The following CHLSN variants were observed in gnomAD, a reference collection of about 807,000 sequenced individuals.
The protein encoded by CHLSN is protein cholesin.
chr7:1,095,550 C>A, the CHLSN span, among the ~76,000 whole-genome samples: 1 of 152,238 alleles, frequency 6.6e-6, no homozygotes. Context: ...GGGGCAAGGG[C>A]AGACGCTTTA....
chr7:1,071,550 A>G, the CHLSN span, among the ~76,000 whole-genome samples: 17,464 of 152,066 alleles, frequency 0.11, 1,268 homozygotes, highest in Middle Eastern at 0.26. Flanking sequence ...AAAAGCAGGC[A>G]GGAGAGGGAG....
the CHLSN span, among the ~76,000 whole-genome samples, chr7:995,971 G>C: frequency 6.6e-6 from 1 of 152,240 alleles, no homozygotes; most frequent in Non-Finnish European, 1.5e-5. Flanking sequence ...ACGGTCCTTA[G>C]GGTCTCCTCC....
At chr7:1,121,074 C>T in the CHLSN span, among the ~76,000 whole-genome samples, 2 of 151,688 alleles carry the variant, frequency 1.3e-5, no homozygotes, top group Non-Finnish European at 1.5e-5. Flanking sequence ...CACGGGGCAG[C>T]GTGGCCGGCA....
the CHLSN span, chr7:1,092,158 A>G: frequency 6.2e-7 from 1 of 1,613,496 alleles, no homozygotes; most frequent in Non-Finnish European, 8.5e-7. Context: ...CATGTACAGC[A>G]GCGTCTTCTT....
At chr7:1,026,534 C>G in the CHLSN span, 17 of 152,228 alleles carry the variant, frequency 1.1e-4, no homozygotes, top group Admixed American at 1.1e-3. Context: ...GCAGCTCCGG[C>G]AGGAGCAGCC....
chr7:1,028,386 C>G, the CHLSN span: 1 of 987,736 alleles, frequency 1.0e-6, no homozygotes, highest in Non-Finnish European at 1.2e-6. Flanking sequence ...CCGGCCGGCC[C>G]GGCGCGGCTG....
the CHLSN span, among the ~76,000 whole-genome samples, chr7:1,110,659 C>T: frequency 6.6e-6 from 1 of 152,172 alleles, no homozygotes; most frequent in Non-Finnish European, 1.5e-5. Flanking sequence ...CGCTGTGGGG[C>T]GTGGGAGGCC....
chr7:1,032,797 C>T, the CHLSN span, among the ~76,000 whole-genome samples: 1 of 152,350 alleles, frequency 6.6e-6, no homozygotes, highest in African/African-American at 2.4e-5. Flanking sequence ...AAACACTGGT[C>T]GGAGTCGCCA....
chr7:990,475 CGAGAA>C, the CHLSN span, among the ~76,000 whole-genome samples: 1 of 151,970 alleles, frequency 6.6e-6, no homozygotes, highest in African/African-American at 2.4e-5. Context: ...GGCCCCTCAC[CGAGAA>C]GAGAGGATAA....
At chr7:1,079,737 C>G in the CHLSN span, among the ~76,000 whole-genome samples, 1 of 152,208 alleles carries the variant, frequency 6.6e-6, no homozygotes, top group East Asian at 1.9e-4. Flanking sequence ...CAGATGCCCT[C>G]CAGAGGGTCC....
chr7:1,040,183 T>TAAAAAAATAAA, the CHLSN span, among the ~76,000 whole-genome samples: 4 of 74,530 alleles, frequency 5.4e-5, no homozygotes, highest in African/African-American at 1.8e-4. Context: ...AAAATAAATT[T>TAAAAAAATAAA]AAAAAAAAAA....
the CHLSN span, among the ~76,000 whole-genome samples, chr7:1,046,243 T>A: frequency 1.3e-5 from 2 of 152,090 alleles, no homozygotes; most frequent in Non-Finnish European, 2.9e-5. Context: ...TCACCTGGAA[T>A]CCTGAAAAAA....
the CHLSN span, chr7:984,341 C>T: frequency 6.7e-7 from 1 of 1,491,212 alleles, no homozygotes; most frequent in Admixed American, 2.2e-5. Flanking sequence ...CAGCACAGGC[C>T]CGGCCTGAGG....
the CHLSN span, among the ~76,000 whole-genome samples, chr7:1,069,052 G>A: frequency 6.6e-6 from 1 of 152,222 alleles, no homozygotes; most frequent in Non-Finnish European, 1.5e-5. Context: ...TCACGTTTAG[G>A]CCGGGCGCGG....
the CHLSN span, among the ~76,000 whole-genome samples, chr7:981,034 G>A: frequency 6.6e-6 from 1 of 151,822 alleles, no homozygotes; most frequent in African/African-American, 2.4e-5. Flanking sequence ...TGTGGCTCAC[G>A]CCTGTAATCC....
the CHLSN span, among the ~76,000 whole-genome samples, chr7:1,078,586 G>A: frequency 5.3e-5 from 8 of 152,084 alleles, no homozygotes; most frequent in African/African-American, 1.9e-4. Flanking sequence ...CCCCCACGCC[G>A]GTTCATCTCG....
chr7:1,018,446 A>G, the CHLSN span, among the ~76,000 whole-genome samples: 2 of 151,624 alleles, frequency 1.3e-5, no homozygotes, highest in African/African-American at 4.9e-5. Flanking sequence ...CAGAGAGGAG[A>G]TGTGATGAGG....
the CHLSN span, among the ~76,000 whole-genome samples, chr7:1,117,735 A>C: frequency 6.8e-6 from 1 of 147,028 alleles, no homozygotes; most frequent in African/African-American, 2.6e-5. Flanking sequence ...ACGCAGGATG[A>C]TGACATCACT....
chr7:1,024,766 A>G, the CHLSN span: 1 of 152,158 alleles, frequency 6.6e-6, no homozygotes, highest in African/African-American at 2.4e-5. Context: ...TTTTATAAAG[A>G]TCAGATCAGG....
Sources: allele counts gnomAD v4.1 joint callset (sites outside exome capture counted in the v4.1 genomes callset), GRCh38; gene constraint gnomAD v4.1.1; transcripts MANE v1.5; gene names NCBI Gene and HGNC (gene_info 2026-07-23, HGNC 2026-07-21).